Variants in SPON1 observed in about 807,000 individuals in gnomAD.
SPON1 encodes the protein spondin-1.
SPON1 carries 52 observed loss-of-function variants against 111.7 expected under a neutral mutation model. That is an observed-to-expected ratio of 0.47 (90% CI 0.37 to 0.59). The LOEUF is 0.59. Among genes scored for constraint, SPON1 ranks in the 20% least tolerant of loss-of-function variants. SPON1 has a pLI of 0.00. For synonymous variants in SPON1, 410 were observed against 395.8 expected, an observed-to-expected ratio of 1.04 and a Z score of -0.43; for missense variants, 957 against 1,068.5, an observed-to-expected ratio of 0.90 and a Z score of 1.46.
intron 2 of SPON1, among the ~76,000 whole-genome samples, chr11:13,987,264 C>T (rs12275446): frequency 0.047 from 7,192 of 152,146 alleles, 555 homozygotes; most frequent in African/African-American, 0.16. Context: ...TTCTAACTGG[C>T]GTGAGATGGT....
intron 6 of SPON1, among the ~76,000 whole-genome samples, chr11:14,160,481 TTA>T (rs1311893181): frequency 0.013 from 84 of 6,632 alleles, 8 homozygotes; most frequent in East Asian, 0.035. Context: ...ATATATATAT[TTA>T]TATATATATA....
At chr11:14,148,939 A>G (rs1847756351) in intron 6 of SPON1, among the ~76,000 whole-genome samples, 1 of 152,232 alleles carries the variant, frequency 6.6e-6, no homozygotes, top group African/African-American at 2.4e-5. Flanking sequence ...ACAGTCATGC[A>G]CTGCATAACA....
At chr11:14,046,561 C>A (rs1205330136) in intron 3 of SPON1, among the ~76,000 whole-genome samples, 17 of 152,134 alleles carry the variant, frequency 1.1e-4, no homozygotes, top group Non-Finnish European at 2.5e-4. Context: ...CAGGTCTGGT[C>A]TGTTCTGTTG....
intron 6 of SPON1, among the ~76,000 whole-genome samples, chr11:14,209,192 A>G (rs1848547107): frequency 1.3e-5 from 2 of 152,218 alleles, no homozygotes; most frequent in African/African-American, 2.4e-5. Context: ...TGTTATTGAC[A>G]GCTCACAGAA....
rs534606654 is a variant in SPON1, at chr11:14,113,174, A to G, written c.677-22246A>G. ...AATAATTTAATCTCTAAGAAACTCAAAAAAGCACTAAGGAAATAACCCTCT... is the reference window on the plus strand; with the variant it reads ...AATAATTTAATCTCTAAGAAACTCAGAAAAGCACTAAGGAAATAACCCTCT... On this transcript the variant is annotated intron_variant, in intron 5 of 15. Coordinates refer to ENST00000576479, the MANE Select transcript of SPON1 (RefSeq NM_006108.4). 7.2e-5 allele frequency among the ~76,000 whole-genome samples: 11 copies of G among 152,334 alleles called. No individual in the cohort carries two copies. The South Asian group carries it at 2.3e-3, about 32-fold the overall frequency.
At chr11:14,174,459 A>C (rs1294799214) in intron 6 of SPON1, among the ~76,000 whole-genome samples, 4 of 152,236 alleles carry the variant, frequency 2.6e-5, no homozygotes, top group African/African-American at 4.8e-5. Flanking sequence ...TTCAGATAAC[A>C]CAATGCAAAA....
intron 2 of SPON1, among the ~76,000 whole-genome samples, chr11:14,014,604 G>A (rs782519999): frequency 3.3e-5 from 5 of 152,170 alleles, no homozygotes; most frequent in South Asian, 2.1e-4. Context: ...TGAGTGGGGC[G>A]TCACTGTGCA....
At chr11:13,985,190 C>A (rs1848172815) in intron 2 of SPON1, among the ~76,000 whole-genome samples, 1 of 152,214 alleles carries the variant, frequency 6.6e-6, no homozygotes, top group Non-Finnish European at 1.5e-5. Flanking sequence ...TAGACCAGCC[C>A]TCTAACAGGA....
intron 5 of SPON1, among the ~76,000 whole-genome samples, chr11:14,093,000 G>A (rs1849071179): frequency 6.6e-6 from 1 of 152,102 alleles, no homozygotes; most frequent in Non-Finnish European, 1.5e-5. Flanking sequence ...CTTTTAATAA[G>A]GCCCTGCTGT....
rs1378033110 is a variant in SPON1, at chr11:14,146,740, C to T, written c.825+11172C>T. 3.3e-5 allele frequency among the ~76,000 whole-genome samples: 5 copies of T among 152,116 alleles called. 1 individual carries two copies. The South Asian group carries it at 1.0e-3, about 32-fold the overall frequency. On this transcript the variant is annotated intron_variant, in intron 6 of 15. Coordinates refer to ENST00000576479, the MANE Select transcript of SPON1 (RefSeq NM_006108.4). ...CAACATTAACTAAAACTGTGTGAAG[C>T]TAGAGAGTGAATACACAGATCAATA...
At chr11:14,165,883 T>G (rs1848024028) in intron 6 of SPON1, among the ~76,000 whole-genome samples, 2 of 152,210 alleles carry the variant, frequency 1.3e-5, no homozygotes, top group South Asian at 4.1e-4. Context: ...TAAACTGGCT[T>G]TGATAGAACT....
At chr11:14,131,978 G>T (rs1395501139) in intron 5 of SPON1, among the ~76,000 whole-genome samples, 4 of 152,200 alleles carry the variant, frequency 2.6e-5, no homozygotes, top group African/African-American at 9.6e-5. Flanking sequence ...GTCATTAAAT[G>T]TGTTAAAAAT....
At chr11:14,145,774 A>T (rs1259678112) in intron 6 of SPON1, among the ~76,000 whole-genome samples, 3 of 152,220 alleles carry the variant, frequency 2.0e-5, no homozygotes, top group African/African-American at 7.2e-5. Context: ...TGGAACAAGC[A>T]AACTTTCATC....
At chr11:14,217,382 G>A (rs1440952469) in intron 6 of SPON1, among the ~76,000 whole-genome samples, 3 of 152,136 alleles carry the variant, frequency 2.0e-5, no homozygotes, top group Admixed American at 6.6e-5. Flanking sequence ...ATAGCTATTA[G>A]CTTAGGAGGC....
chr11:14,250,260 A>C (rs1849038348), intron 7 of SPON1, among the ~76,000 whole-genome samples: 1 of 151,882 alleles, frequency 6.6e-6, no homozygotes, highest in African/African-American at 2.4e-5. Context: ...TTTTCTTTAT[A>C]ATTGCTTTTA....
chr11:13,979,993 A>T (rs1362649966), intron 1 of SPON1, among the ~76,000 whole-genome samples: 1 of 151,034 alleles, frequency 6.6e-6, no homozygotes, highest in Non-Finnish European at 1.5e-5. Flanking sequence ...GACACTGAAC[A>T]CTACACTTTT....
rs890449615 is a variant in SPON1, at chr11:13,963,229, G to T, written c.238+87G>T. ...TCGCGGTGCCGGAGGAGGGCGCGCGGTCTCCGGGCGCGTGGCGCGGGTGCA... is the reference window on the plus strand; with the variant it reads ...TCGCGGTGCCGGAGGAGGGCGCGCGTTCTCCGGGCGCGTGGCGCGGGTGCA... On this transcript the variant is annotated intron_variant, in intron 1 of 15. Coordinates refer to ENST00000576479, the MANE Select transcript of SPON1 (RefSeq NM_006108.4). The T allele has an allele frequency of 3.8e-6, 4 of 1,055,898 alleles. No homozygotes were observed. In the South Asian group the frequency reaches 7.4e-5, roughly 19 times the overall value. 65.4% of individuals were successfully genotyped at this position (1,055,898 alleles called of 1,614,324 possible). A position where few individuals can be genotyped will look rare whatever the true frequency, so the allele number is the denominator to read the frequency against.
chr11:14,081,275 CA>C (rs750052540), intron 5 of SPON1, among the ~76,000 whole-genome samples: 6 of 151,582 alleles, frequency 4.0e-5, no homozygotes, highest in Non-Finnish European at 7.4e-5. Flanking sequence ...TAATACTGAA[CA>C]AAAAAAAGAT....
At chr11:14,036,346 A>G (rs985732688) in intron 2 of SPON1, among the ~76,000 whole-genome samples, 1 of 152,204 alleles carries the variant, frequency 6.6e-6, no homozygotes, top group African/African-American at 2.4e-5. Context: ...GTCCAGGGTA[A>G]TAGTAAGAAT....
Sources: gnomAD v4.1 joint callset for allele counts (sites outside exome capture counted in the v4.1 genomes callset) on GRCh38, gnomAD v4.1.1 for gene constraint, MANE v1.5 for transcripts, NCBI Gene and HGNC (gene_info 2026-07-23, HGNC 2026-07-21) for gene names.